SWT1: variants seen among roughly 807,000 people sequenced by gnomAD.
SWT1 encodes the protein transcriptional protein SWT1.
Under a neutral mutation model 107.3 loss-of-function variants are expected in SWT1, and 33 were observed. The ratio of observed to expected loss-of-function variants is 0.31; its 90% CI spans 0.23 to 0.41. The LOEUF (loss-of-function observed/expected upper bound fraction) is 0.41, where lower values mean the gene tolerates loss of function less well. Ranked by LOEUF, SWT1 falls within the 10% of genes least tolerant of loss-of-function variation. The pLI, the probability that SWT1 is intolerant of heterozygous loss-of-function variation, is 1.00. For missense variants in SWT1, 898 were observed against 1,028.9 expected (o/e 0.87, Z 1.74); for synonymous variants, 345 against 348.3 (o/e 0.99, Z 0.11).
At chr1:185,222,993 T>A (rs953409090) in intron 15 of SWT1, among the ~76,000 whole-genome samples, 6 of 152,158 alleles carry the variant, frequency 3.9e-5, no homozygotes, top group Non-Finnish European at 7.4e-5. Flanking sequence ...CTATTGTATA[T>A]AGTGCTACAG....
intron 18 of SWT1, 65 bp downstream of exon 18, chr1:185,276,733 G>C: frequency 3.0e-6 from 2 of 659,990 alleles, no homozygotes; most frequent in Non-Finnish European, 4.9e-6. Flanking sequence ...AGCAGCACTT[G>C]GTGGTGGTGG....
rs146364373 is a variant in SWT1, at chr1:185,249,945, T to C, written c.2441+18237T>C. 1.7e-3 allele frequency among the ~76,000 whole-genome samples: 257 copies of C among 152,310 alleles called. 1 individual carries two copies. The highest frequency in any genetic ancestry group is 1.2e-3 in the Non-Finnish European group (81 of 68,034). On this transcript the variant is annotated intron_variant, in intron 16 of 18. Transcript: ENST00000367500. Reference sequence around the variant, plus strand: ...GACCTTTTTCTTTTTGTATTACTTCTCTCTTTTATTCCAAGTGGTAGTACT... The same window carrying C: ...GACCTTTTTCTTTTTGTATTACTTCCCTCTTTTATTCCAAGTGGTAGTACT...
At chr1:185,288,906 T>G (rs144016310) in intron 18 of SWT1, among the ~76,000 whole-genome samples, 110 of 152,268 alleles carry the variant, frequency 7.2e-4, no homozygotes, top group Non-Finnish European at 1.3e-3. Context: ...GAAGTAAAAT[T>G]GTGAAGTAGA....
intron 16 of SWT1, among the ~76,000 whole-genome samples, chr1:185,257,696 G>A (rs945664024): frequency 1.3e-5 from 2 of 152,256 alleles, no homozygotes; most frequent in African/African-American, 2.4e-5. Context: ...TCCCTAGTGA[G>A]ATGAACCTGG....
Position 185,221,910 on chromosome 1 carries a change from C to G in SWT1, c.2183C>G (p.Thr728Ser). Residue 728 changes from threonine (T) to serine (S), a missense_variant, in exon 15 of 19, where the codon ACT (threonine) becomes AGT (serine). By Grantham distance (58) the Thr-to-Ser change is moderately conservative (BLOSUM62 1). Transcript: ENST00000367500. ...ACAGTGACTAAAAAGCAGGAAGGTA[C>G]TTCATTGAAGAATTCTCATAATCAA... ...ENTVTKKQEGTSLKNSHNQEI... is the reference protein window; with the variant it reads ...ENTVTKKQEGSSLKNSHNQEI... 1.2e-6 allele frequency: 2 copies of G among 1,611,868 alleles called. No individual in the cohort carries two copies. Among genetic ancestry groups the G allele is most frequent in the South Asian group, 1.1e-5 (1 of 90,500 alleles).
chr1:185,278,583 C>T (rs998931242), intron 18 of SWT1, among the ~76,000 whole-genome samples: 5 of 152,234 alleles, frequency 3.3e-5, no homozygotes, highest in African/African-American at 1.2e-4. Flanking sequence ...CCCTCCACCA[C>T]TACATATTCC....
chr1:185,242,195 T>C (rs1661296972), intron 16 of SWT1, among the ~76,000 whole-genome samples: 1 of 152,184 alleles, frequency 6.6e-6, no homozygotes, highest in East Asian at 1.9e-4. Flanking sequence ...ATGGTATCTA[T>C]ATTGCAGTTT....
chr1:185,246,344 C>G (rs1235474558), intron 16 of SWT1, among the ~76,000 whole-genome samples: 1 of 151,944 alleles, frequency 6.6e-6, no homozygotes, highest in African/African-American at 2.4e-5. Context: ...GTGGCATCAT[C>G]ATGGCTCACT....
At chr1:185,178,104 T>G (rs1193110706) in intron 5 of SWT1, among the ~76,000 whole-genome samples, 1 of 152,114 alleles carries the variant, frequency 6.6e-6, no homozygotes, top group Non-Finnish European at 1.5e-5. Context: ...AATCTCCGGG[T>G]GAGTTAAAGA....
intron 17 of SWT1, among the ~76,000 whole-genome samples, chr1:185,275,913 ATGT>A (rs1365708348): frequency 6.6e-6 from 1 of 152,164 alleles, no homozygotes; most frequent in Non-Finnish European, 1.5e-5. Context: ...ACACTTAGAA[ATGT>A]TTTTTAAGTA....
chr1:185,198,499 C>G (rs1246322884), intron 10 of SWT1, among the ~76,000 whole-genome samples: 2 of 152,132 alleles, frequency 1.3e-5, no homozygotes, highest in Non-Finnish European at 2.9e-5. Flanking sequence ...ACTTTTCTGT[C>G]TTGTTGATCT....
chr1:185,233,575 A>G (rs1660642519), intron 16 of SWT1, among the ~76,000 whole-genome samples: 1 of 152,132 alleles, frequency 6.6e-6, no homozygotes, highest in Non-Finnish European at 1.5e-5. Context: ...GTAGTCATTC[A>G]GGAGCAGGTT....
chr1:185,242,378 A>C (rs1020535693), intron 16 of SWT1, among the ~76,000 whole-genome samples: 6 of 152,178 alleles, frequency 3.9e-5, no homozygotes, highest in African/African-American at 9.6e-5. Context: ...ATACATCACT[A>C]TGACTTAATT....
intron 2 of SWT1, among the ~76,000 whole-genome samples, chr1:185,164,339 A>T (rs1654400795): frequency 6.6e-6 from 1 of 152,186 alleles, no homozygotes; most frequent in African/African-American, 2.4e-5. Flanking sequence ...TTTCTGAATG[A>T]TAAGTAAGTA....
At chr1:185,287,282 G>A (rs1665003586) in intron 18 of SWT1, among the ~76,000 whole-genome samples, 1 of 152,134 alleles carries the variant, frequency 6.6e-6, no homozygotes, top group South Asian at 2.1e-4. Flanking sequence ...CCGAGATTTG[G>A]TCAAAGCAAA....
intron 13 of SWT1, among the ~76,000 whole-genome samples, chr1:185,212,426 A>G (rs975945852): frequency 1.3e-5 from 2 of 152,110 alleles, no homozygotes; most frequent in African/African-American, 2.4e-5. Context: ...GGCAGCTCTA[A>G]CTGCCATTAA....
intron 10 of SWT1, among the ~76,000 whole-genome samples, chr1:185,198,364 T>C (rs953338743): frequency 2.0e-5 from 3 of 152,232 alleles, no homozygotes; most frequent in African/African-American, 7.2e-5. Flanking sequence ...TCAAATTATG[T>C]GGTCAGTTTT....
At chr1:185,168,239 G>T in intron 3 of SWT1, 101 bp from the exon 4 acceptor site, 1 of 686,100 alleles carries the variant, frequency 1.5e-6, no homozygotes, top group South Asian at 2.3e-5. Flanking sequence ...TTACTGGAAA[G>T]ATTAAGTAAA....
intron 18 of SWT1, among the ~76,000 whole-genome samples, chr1:185,288,273 T>A (rs1242891092): frequency 6.6e-6 from 1 of 152,134 alleles, no homozygotes; most frequent in East Asian, 1.9e-4. Context: ...AGGGAGCAGG[T>A]CACACTGTAT....
Sources: gnomAD v4.1 joint callset for allele counts (sites outside exome capture counted in the v4.1 genomes callset) on GRCh38, gnomAD v4.1.1 for gene constraint, MANE v1.5 for transcripts, NCBI Gene and HGNC (gene_info 2026-07-23, HGNC 2026-07-21) for gene names.